Variants in KCNK1 observed in about 807,000 individuals in gnomAD.
KCNK1 encodes the protein potassium two pore domain channel subfamily K member 1.
A neutral mutation model predicts 22.2 loss-of-function variants in KCNK1; 10 were observed. That is an observed-to-expected ratio of 0.45 (90% CI 0.28 to 0.76). KCNK1 has a LOEUF of 0.76. KCNK1 is among the 30% of genes least tolerant of loss of function. The pLI, the probability that KCNK1 is intolerant of heterozygous loss-of-function variation, is 0.14. For synonymous variants in KCNK1, 200 were observed against 186.4 expected (o/e 1.07, Z -0.60); for missense variants, 378 against 421.0 (o/e 0.90, Z 0.89).
At position 233,614,485 on chromosome 1, in the gene KCNK1, C is replaced by T; in HGVS notation, c.314C>T (p.Thr105Ile). ...NASGNWNWDF[T>I]SALFFASTVL... ...TCGGGCAACTGGAACTGGGACTTCA[C>T]CTCCGCGCTCTTCTTCGCCAGCACC... The change falls in exon 1 of 3, where the codon ACC (threonine) becomes ATC (isoleucine). Residue 105 changes from threonine to isoleucine, a missense_variant. By Grantham distance (89) the Thr-to-Ile change is moderately conservative. Coordinates refer to ENST00000366621, the MANE Select transcript of KCNK1 (RefSeq NM_002245.4). The T allele has an allele frequency of 6.2e-7, 1 of 1,611,734 alleles. No individual in the cohort carries two copies. The highest frequency in any genetic ancestry group is 8.5e-7 in the Non-Finnish European group (1 of 1,178,940).
chr1:233,625,490 G>C (rs1657673207), intron 1 of KCNK1, among the ~76,000 whole-genome samples: 2 of 152,140 alleles, frequency 1.3e-5, no homozygotes, highest in South Asian at 4.1e-4. Context: ...CCTGGGGGAG[G>C]ATGAGGGGTG....
chr1:233,638,075 C>A (rs1657934548), intron 1 of KCNK1, among the ~76,000 whole-genome samples: 2 of 150,808 alleles, frequency 1.3e-5, no homozygotes, highest in African/African-American at 4.9e-5. Flanking sequence ...CCAAAGGGGG[C>A]ATTGATTATA....
intron 1 of KCNK1, among the ~76,000 whole-genome samples, chr1:233,656,007 A>G (rs1323015489): frequency 6.6e-6 from 1 of 152,136 alleles, no homozygotes; most frequent in East Asian, 1.9e-4. Context: ...AAAGCATTCT[A>G]CTTTTGTGGA....
intron 1 of KCNK1, among the ~76,000 whole-genome samples, chr1:233,640,276 G>A (rs934731697): frequency 1.3e-5 from 2 of 152,182 alleles, no homozygotes; most frequent in Non-Finnish European, 1.5e-5. Context: ...ATTATGCAGT[G>A]TTGGTGTCAG....
chr1:233,631,157 A>C (rs1206545227), intron 1 of KCNK1: 4 of 439,010 alleles, frequency 9.1e-6, no homozygotes, highest in African/African-American at 6.2e-5. Flanking sequence ...AGAATTGTCC[A>C]TCATCCACAG....
intron 1 of KCNK1, among the ~76,000 whole-genome samples, chr1:233,663,125 C>A (rs1027467339): frequency 1.3e-5 from 2 of 152,098 alleles, no homozygotes; most frequent in Admixed American, 1.3e-4. Context: ...GTAGTTGGTG[C>A]AGAGGGTGGT....
chr1:233,618,052 T>A (rs146188981), intron 1 of KCNK1, among the ~76,000 whole-genome samples: 84 of 152,360 alleles, frequency 5.5e-4, no homozygotes, highest in Middle Eastern at 3.4e-3. Context: ...GATAGAGCAT[T>A]CCTTTTCTCA....
intron 1 of KCNK1, among the ~76,000 whole-genome samples, chr1:233,618,131 G>T (rs1453555257): frequency 2.0e-5 from 3 of 152,164 alleles, no homozygotes; most frequent in African/African-American, 7.2e-5. Flanking sequence ...AGGGAAGAAG[G>T]TTAAGAGGAA....
At chr1:233,664,800 G>A (rs1048876667) in intron 1 of KCNK1, among the ~76,000 whole-genome samples, 1 of 152,198 alleles carries the variant, frequency 6.6e-6, no homozygotes, top group Non-Finnish European at 1.5e-5. Flanking sequence ...TAAGGAGTTT[G>A]TTTATTTTTA....
chr1:233,645,382 C>A (rs1363212217), intron 1 of KCNK1, among the ~76,000 whole-genome samples: 1 of 152,146 alleles, frequency 6.6e-6, no homozygotes. Context: ...CAGATAGGGT[C>A]ACCCTGGATT....
At chr1:233,623,088 A>C (rs1031732666) in intron 1 of KCNK1, among the ~76,000 whole-genome samples, 6 of 152,180 alleles carry the variant, frequency 3.9e-5, no homozygotes, top group African/African-American at 1.4e-4. Context: ...GTTAAATACA[A>C]CATTTTCTCA....
intron 1 of KCNK1, among the ~76,000 whole-genome samples, chr1:233,652,352 A>G (rs565806281): frequency 2.0e-5 from 3 of 151,954 alleles, no homozygotes; most frequent in Non-Finnish European, 4.4e-5. Flanking sequence ...CCTTACCGCT[A>G]CCCCTGAGGC....
At chr1:233,654,349 A>C (rs1372069913) in intron 1 of KCNK1, among the ~76,000 whole-genome samples, 1 of 152,198 alleles carries the variant, frequency 6.6e-6, no homozygotes, top group Non-Finnish European at 1.5e-5. Context: ...CAGAACTTAA[A>C]GTAAAAGAAA....
At chr1:233,640,641 T>C (rs77785364) in intron 1 of KCNK1, among the ~76,000 whole-genome samples, 1 of 152,280 alleles carries the variant, frequency 6.6e-6, no homozygotes, top group East Asian at 1.9e-4. Context: ...CCAAAAGAAG[T>C]GGTTTTCTGG....
intron 2 of KCNK1, among the ~76,000 whole-genome samples, chr1:233,668,580 T>A (rs922074760): frequency 2.0e-5 from 3 of 152,166 alleles, no homozygotes; most frequent in African/African-American, 7.2e-5. Flanking sequence ...TTCTTCTAAT[T>A]CAGGGGTATT....
intron 1 of KCNK1, among the ~76,000 whole-genome samples, chr1:233,629,298 G>C (rs554486998): frequency 5.3e-5 from 8 of 152,294 alleles, no homozygotes; most frequent in Admixed American, 5.2e-4. Flanking sequence ...GATGGCTGAA[G>C]TGGTCAGGGA....
intron 1 of KCNK1, among the ~76,000 whole-genome samples, chr1:233,633,834 G>A (rs932554607): frequency 6.6e-6 from 1 of 152,010 alleles, no homozygotes; most frequent in Non-Finnish European, 1.5e-5. Context: ...GGTGTTAGGG[G>A]AAAACCCTAA....
chr1:233,624,890 C>A (rs1657657335), intron 1 of KCNK1, among the ~76,000 whole-genome samples: 1 of 152,116 alleles, frequency 6.6e-6, no homozygotes, highest in African/African-American at 2.4e-5. Flanking sequence ...TGTCAGGGAA[C>A]AAAACCACAA....
At chr1:233,620,799 G>A (rs191027078) in intron 1 of KCNK1, among the ~76,000 whole-genome samples, 98 of 151,022 alleles carry the variant, frequency 6.5e-4, no homozygotes, top group African/African-American at 2.3e-3. Flanking sequence ...TGGGGAAATA[G>A]ACATGGCAGG....
Sources: gnomAD v4.1 joint callset for allele counts (sites outside exome capture counted in the v4.1 genomes callset) on GRCh38, gnomAD v4.1.1 for gene constraint, MANE v1.5 for transcripts, NCBI Gene and HGNC (gene_info 2026-07-23, HGNC 2026-07-21) for gene names.